The following PDE4D variants were observed in gnomAD, a reference collection of about 807,000 sequenced individuals.
PDE4D encodes 3',5'-cyclic-AMP phosphodiesterase 4D.
In PDE4D, 24 loss-of-function variants were observed where a neutral mutation model predicts 87.4. The observed-to-expected ratio is 0.27, with a 90% CI of 0.20 to 0.39. The LOEUF (loss-of-function observed/expected upper bound fraction) is 0.39, where lower values mean the gene tolerates loss of function less well. Among genes scored for constraint, PDE4D ranks in the 10% least tolerant of loss-of-function variants. PDE4D has a pLI of 1.00. For synonymous variants in PDE4D, 384 were observed against 383.2 expected, an observed-to-expected ratio of 1.00 and a Z score of -0.02; for missense variants, 714 against 1,041.0, an observed-to-expected ratio of 0.69 and a Z score of 4.32.
intron 1 of PDE4D, among the ~76,000 whole-genome samples, chr5:59,624,852 A>G (rs1830716533): frequency 6.6e-6 from 1 of 152,158 alleles, no homozygotes; most frequent in Non-Finnish European, 1.5e-5. Context: ...TTTGGCTGTG[A>G]TTATTGTCTT....
rs1787949089 is a variant in PDE4D at position 59,390,149 on chromosome 5, T to TA, written c.456-174182dup. Among the ~76,000 whole-genome samples, 3 of 152,158 alleles carry TA rather than the reference T, an allele frequency of 2.0e-5. No homozygotes were observed. In the East Asian group the frequency reaches 5.8e-4, roughly 29 times the overall value. ...TATGCATCAATACAAATATTTACAG[T>TA]AAAAAGGAGATTTGAATTGTAAGAA... On this transcript the variant is annotated intron_variant, in intron 1 of 14. Coordinates refer to ENST00000340635, the MANE Select transcript of PDE4D (RefSeq NM_001104631.2).
At chr5:59,455,443 T>C (rs147652042) in intron 1 of PDE4D, among the ~76,000 whole-genome samples, 1 of 152,218 alleles carries the variant, frequency 6.6e-6, no homozygotes, top group African/African-American at 2.4e-5. Flanking sequence ...AGTCAAGAAT[T>C]GAGGTTTGGG....
intron 1 of PDE4D, among the ~76,000 whole-genome samples, chr5:59,808,379 T>C (rs1767973703): frequency 6.6e-6 from 1 of 152,220 alleles, no homozygotes; most frequent in Non-Finnish European, 1.5e-5. Context: ...TCCTAATTCC[T>C]CTACTCTGCA....
At chr5:59,148,925 C>T (rs1360960238) in intron 5 of PDE4D, among the ~76,000 whole-genome samples, 1 of 152,072 alleles carries the variant, frequency 6.6e-6, no homozygotes, top group Non-Finnish European at 1.5e-5. Context: ...AAAGGAAAAG[C>T]TGACGGACAT....
intron 1 of PDE4D, among the ~76,000 whole-genome samples, chr5:59,265,291 TGG>T (rs1473299416): frequency 6.6e-6 from 1 of 151,870 alleles, no homozygotes; most frequent in Non-Finnish European, 1.5e-5. Flanking sequence ...AAATCAGAGG[TGG>T]TTTAGCTTCC....
chr5:59,105,004 A>T (rs1771355842), intron 5 of PDE4D, among the ~76,000 whole-genome samples: 1 of 152,220 alleles, frequency 6.6e-6, no homozygotes, highest in Non-Finnish European at 1.5e-5. Flanking sequence ...CTGTTCCGCA[A>T]GACAGAAGCC....
intron 1 of PDE4D, among the ~76,000 whole-genome samples, chr5:59,737,283 T>C (rs1192674204): frequency 2.6e-5 from 4 of 152,184 alleles, no homozygotes; most frequent in African/African-American, 9.6e-5. Context: ...ATTTTATGAC[T>C]ATTCTTGGTT....
intron 2 of PDE4D, among the ~76,000 whole-genome samples, chr5:60,041,759 T>G (rs1768509697): frequency 6.6e-6 from 1 of 152,168 alleles, no homozygotes. Flanking sequence ...TGAGGAATGG[T>G]GCATTCCGGC....
chr5:59,109,708 G>A (rs1012313378), intron 5 of PDE4D, among the ~76,000 whole-genome samples: 3 of 152,172 alleles, frequency 2.0e-5, no homozygotes, highest in African/African-American at 7.2e-5. Flanking sequence ...CAAGGAGCAA[G>A]AGTGAAGTAT....
chr5:59,651,599 T>C (rs565727687), intron 1 of PDE4D, among the ~76,000 whole-genome samples: 2 of 152,222 alleles, frequency 1.3e-5, no homozygotes, highest in East Asian at 3.9e-4. Flanking sequence ...TTATAATTGT[T>C]GAGTGTAATA....
chr5:59,462,472 T>C (rs1003136580), intron 1 of PDE4D, among the ~76,000 whole-genome samples: 2 of 152,146 alleles, frequency 1.3e-5, no homozygotes, highest in Admixed American at 6.6e-5. Context: ...CACATCAGTA[T>C]AGTTCTGAGC....
chr5:59,562,323 A>G (rs1427965488), intron 1 of PDE4D, among the ~76,000 whole-genome samples: 2 of 152,170 alleles, frequency 1.3e-5, no homozygotes, highest in Non-Finnish European at 2.9e-5. Context: ...CTTTTATTTG[A>G]TATATACTAT....
At chr5:59,218,093 G>A (rs1387275164) in intron 1 of PDE4D, 2 of 368,496 alleles carry the variant, frequency 5.4e-6, no homozygotes, top group African/African-American at 2.2e-5. Context: ...TCTAAATAGT[G>A]GGGGTTTGGC....
intron 6 of PDE4D, chr5:58,999,529 T>G (rs1486366363): frequency 6.5e-7 from 1 of 1,534,878 alleles, no homozygotes; most frequent in Non-Finnish European, 8.8e-7. Flanking sequence ...ATAGTTTGCT[T>G]CAGGCATTTT....
intron 2 of PDE4D, among the ~76,000 whole-genome samples, chr5:59,994,122 T>C (rs180711895): frequency 5.5e-4 from 84 of 152,060 alleles, no homozygotes; most frequent in Admixed American, 1.2e-3. Context: ...TTTTTTTCTT[T>C]CAAAAGTAGA....
At chr5:59,939,751 C>T (rs769215066) in intron 3 of PDE4D, among the ~76,000 whole-genome samples, 17 of 151,988 alleles carry the variant, frequency 1.1e-4, no homozygotes, top group Non-Finnish European at 1.8e-4. Context: ...GGAAAGCAGA[C>T]GGGGGTACCT....
chr5:60,257,654 C>A (rs1749230994), intron 1 of PDE4D, among the ~76,000 whole-genome samples: 1 of 151,888 alleles, frequency 6.6e-6, no homozygotes, highest in African/African-American at 2.4e-5. Context: ...TGAAGTCATG[C>A]TAGAGAAAGC....
chr5:59,341,342 T>A (rs12517657), intron 1 of PDE4D, among the ~76,000 whole-genome samples: 25,596 of 152,176 alleles, frequency 0.17, 2,530 homozygotes, highest in Admixed American at 0.22. Context: ...GTAACTTAAA[T>A]CCACACGAGA....
intron 1 of PDE4D, among the ~76,000 whole-genome samples, chr5:59,718,040 C>T (rs1561533080): frequency 6.6e-6 from 1 of 152,136 alleles, no homozygotes; most frequent in Non-Finnish European, 1.5e-5. Flanking sequence ...TATAGACTGC[C>T]CACAATCTAG....
Sources: allele counts gnomAD v4.1 joint callset (sites outside exome capture counted in the v4.1 genomes callset), GRCh38; gene constraint gnomAD v4.1.1; transcripts MANE v1.5; gene names NCBI Gene and HGNC (gene_info 2026-07-23, HGNC 2026-07-21).